The following GRXCR2 variants were observed in gnomAD, a reference collection of about 807,000 sequenced individuals.
GRXCR2 encodes the protein glutaredoxin and cysteine rich domain containing 2, also known as glutaredoxin domain-containing cysteine-rich protein 2.
A neutral mutation model predicts 24.8 loss-of-function variants in GRXCR2; 23 were observed. The ratio of observed to expected loss-of-function variants is 0.93; its 90% CI spans 0.67 to 1.32. The LOEUF is 1.32. Ranked by LOEUF, GRXCR2 falls within the 40% of genes most tolerant of loss-of-function variation. The pLI, the probability that GRXCR2 is intolerant of heterozygous loss-of-function variation, is 0.00. For synonymous variants in GRXCR2, 130 were observed against 116.1 expected, an observed-to-expected ratio of 1.12 and a Z score of -0.77; for missense variants, 315 against 303.4, an observed-to-expected ratio of 1.04 and a Z score of -0.28.
intron 2 of GRXCR2, among the ~76,000 whole-genome samples, chr5:145,889,875 G>A (rs1756838966): frequency 6.6e-6 from 1 of 152,098 alleles, no homozygotes; most frequent in Non-Finnish European, 1.5e-5. Context: ...TAAAAAGACA[G>A]CAAAGCAGTC....
intron 2 of GRXCR2, among the ~76,000 whole-genome samples, chr5:145,904,759 CCT>C (rs1361619147): frequency 6.6e-6 from 1 of 152,054 alleles, no homozygotes; most frequent in African/African-American, 2.4e-5. Flanking sequence ...CATTGTATTC[CCT>C]CTCATGGTTC....
intron 1 of GRXCR2, among the ~76,000 whole-genome samples, chr5:145,869,662 A>G (rs564925633): frequency 6.2e-4 from 93 of 150,170 alleles, no homozygotes; most frequent in African/African-American, 2.1e-3. Flanking sequence ...GGTTCACACC[A>G]TTCTCCTGCC....
intron 2 of GRXCR2, among the ~76,000 whole-genome samples, chr5:145,888,019 T>C (rs1291100399): frequency 1.3e-5 from 2 of 152,242 alleles, no homozygotes; most frequent in African/African-American, 4.8e-5. Flanking sequence ...TTTAAAGTTA[T>C]ATTTGCAGGT....
chr5:145,889,243 A>G (rs144290924), intron 2 of GRXCR2, among the ~76,000 whole-genome samples: 3 of 147,584 alleles, frequency 2.0e-5, no homozygotes, highest in Non-Finnish European at 3.0e-5. Flanking sequence ...AAAGAAAGAA[A>G]GAATTATGCA....
chr5:145,931,274 C>T lies in GRXCR2; in HGVS notation c.-70+4427G>A, dbSNP rs147643604. 2.2e-4 allele frequency among the ~76,000 whole-genome samples: 33 copies of T among 152,260 alleles called. No homozygotes were observed. The East Asian group carries it at 2.3e-3, about 11-fold the overall frequency. The stretch of plus-strand genomic sequence containing the variant: ...CTTGAACCCCTGAACTCAAGCCATC[C>T]GCCTGCCTTAGCCTCCCAAAGCGCT... On this transcript the variant is annotated intron_variant, in intron 2 of 3. Coordinates refer to the GRXCR2 transcript ENST00000639411.
chr5:145,908,420 G>A (rs1757119632), intron 2 of GRXCR2, among the ~76,000 whole-genome samples: 1 of 152,158 alleles, frequency 6.6e-6, no homozygotes, highest in South Asian at 2.1e-4. Context: ...GGGCTGACAG[G>A]TGGCAGATGA....
chr5:145,929,593 G>A (rs1561694549), intron 2 of GRXCR2, among the ~76,000 whole-genome samples: 1 of 152,038 alleles, frequency 6.6e-6, no homozygotes, highest in African/African-American at 2.4e-5. Flanking sequence ...TACAGTTACA[G>A]TTTTACCAAT....
intron 2 of GRXCR2, among the ~76,000 whole-genome samples, chr5:145,910,038 G>A (rs1047740679): frequency 2.0e-5 from 3 of 152,234 alleles, no homozygotes; most frequent in Non-Finnish European, 4.4e-5. Flanking sequence ...GAACTGTCAC[G>A]CTGTGGCTGA....
intron 2 of GRXCR2, among the ~76,000 whole-genome samples, chr5:145,881,462 C>A (rs1181529095): frequency 6.6e-6 from 1 of 152,152 alleles, no homozygotes; most frequent in Non-Finnish European, 1.5e-5. Flanking sequence ...AGGAATCCAA[C>A]TTACAAGGGA....
chr5:145,872,523 G>T (rs1288169470), intron 1 of GRXCR2, 110 bp downstream of exon 1: 1 of 818,374 alleles, frequency 1.2e-6, no homozygotes, highest in African/African-American at 1.7e-5. Context: ...AACAGTTCTG[G>T]TTGGTACCGG....
intron 2 of GRXCR2, among the ~76,000 whole-genome samples, chr5:145,931,377 T>G (rs1757475593): frequency 6.6e-6 from 1 of 152,140 alleles, no homozygotes; most frequent in African/African-American, 2.4e-5. Context: ...TCCTATTAAA[T>G]TTAAGAACAA....
chr5:145,862,376 C>T (rs1756353149), intron 2 of GRXCR2, among the ~76,000 whole-genome samples: 1 of 152,096 alleles, frequency 6.6e-6, no homozygotes. Flanking sequence ...CTGGAGTTTC[C>T]ATTCTTATTC....
chr5:145,920,018 G>T (rs183708652), intron 2 of GRXCR2, among the ~76,000 whole-genome samples: 4 of 152,096 alleles, frequency 2.6e-5, no homozygotes, highest in African/African-American at 9.7e-5. Context: ...TTGGATGTGC[G>T]GCAGCGATGA....
At chr5:145,891,798 C>A (rs896329806) in intron 2 of GRXCR2, among the ~76,000 whole-genome samples, 2 of 152,166 alleles carry the variant, frequency 1.3e-5, no homozygotes, top group East Asian at 1.9e-4. Flanking sequence ...GTTCTCCCAG[C>A]ATGCAGCTGG....
At chr5:145,875,927 G>C (rs777895487), upstream of GRXCR2, among the ~76,000 whole-genome samples, 7 of 152,074 alleles carry the variant, frequency 4.6e-5, no homozygotes, top group Non-Finnish European at 1.0e-4. Context: ...TACTCAGGAG[G>C]CTGAGGCAGG....
intron 2 of GRXCR2, among the ~76,000 whole-genome samples, chr5:145,883,110 A>G (rs1297547556): frequency 6.6e-6 from 1 of 152,014 alleles, no homozygotes; most frequent in Admixed American, 6.6e-5. Context: ...AACATGGCAC[A>G]TGTATACATA....
At chr5:145,878,069 T>G (rs961659754) in intron 2 of GRXCR2, among the ~76,000 whole-genome samples, 2 of 152,136 alleles carry the variant, frequency 1.3e-5, no homozygotes, top group African/African-American at 4.8e-5. Flanking sequence ...CAAAGGTAGA[T>G]AAAACCACAA....
At chr5:145,929,409 C>CA (rs1561694489) in intron 2 of GRXCR2, among the ~76,000 whole-genome samples, 8 of 151,472 alleles carry the variant, frequency 5.3e-5, no homozygotes, top group Admixed American at 3.3e-4. Flanking sequence ...TAGACTTAAA[C>CA]TTTTTTTTAC....
chr5:145,867,782 C>G (rs1407529558), intron 1 of GRXCR2, among the ~76,000 whole-genome samples: 1 of 152,166 alleles, frequency 6.6e-6, no homozygotes, highest in Non-Finnish European at 1.5e-5. Context: ...CTTCAGTTTG[C>G]TAATTTGCAA....
Sources: gnomAD v4.1 joint callset for allele counts (sites outside exome capture counted in the v4.1 genomes callset) on GRCh38, gnomAD v4.1.1 for gene constraint, MANE v1.5 for transcripts, NCBI Gene and HGNC (gene_info 2026-07-23, HGNC 2026-07-21) for gene names.